Variants in LINGO2 observed in about 807,000 individuals in gnomAD.
LINGO2 encodes leucine-rich repeat and immunoglobulin-like domain-containing nogo receptor-interacting protein 2.
Under a neutral mutation model 30.6 loss-of-function variants are expected in LINGO2, and 14 were observed. That is an observed-to-expected ratio of 0.46 (90% CI 0.30 to 0.72). The LOEUF is 0.72. Among genes scored for constraint, LINGO2 ranks in the 30% least tolerant of loss-of-function variants. LINGO2 has a pLI of 0.07. For synonymous variants in LINGO2, 317 were observed against 288.5 expected (o/e 1.10, Z -1.00); for missense variants, 729 against 751.7 (o/e 0.97, Z 0.35).
the LINGO2 span, among the ~76,000 whole-genome samples, chr9:28,953,039 C>T: frequency 6.6e-6 from 1 of 152,050 alleles, no homozygotes; most frequent in African/African-American, 2.4e-5. Context: ...ATTACATTCC[C>T]AGCATCAACA....
At chr9:28,028,758 T>C (rs1039893296) in intron 4 of LINGO2, among the ~76,000 whole-genome samples, 1 of 152,162 alleles carries the variant, frequency 6.6e-6, no homozygotes, top group African/African-American at 2.4e-5. Context: ...TTTTTTTCTT[T>C]TTGAATATTT....
the LINGO2 span, among the ~76,000 whole-genome samples, chr9:28,880,712 T>A: frequency 7.5e-3 from 1,141 of 152,198 alleles, 15 homozygotes; most frequent in African/African-American, 0.026. Context: ...AAGGCCACTG[T>A]CTCCTGCCTG....
At chr9:28,884,810 G>C in the LINGO2 span, among the ~76,000 whole-genome samples, 1 of 139,070 alleles carries the variant, frequency 7.2e-6, no homozygotes, top group Non-Finnish European at 1.5e-5. Flanking sequence ...TTCTTTAGCA[G>C]TATATATATA....
At chr9:27,971,977 C>A (rs1344442467) in intron 5 of LINGO2, among the ~76,000 whole-genome samples, 1 of 152,066 alleles carries the variant, frequency 6.6e-6, no homozygotes, top group South Asian at 2.1e-4. Context: ...CTTTACTATC[C>A]TTATAAGATT....
intron 1 of LINGO2, among the ~76,000 whole-genome samples, chr9:28,529,972 G>A (rs186026412): frequency 6.6e-6 from 1 of 152,018 alleles, no homozygotes; most frequent in East Asian, 1.9e-4. Context: ...TAACATAAGG[G>A]GATAAAACTT....
chr9:28,203,602 A>T (rs1244497458), intron 4 of LINGO2, among the ~76,000 whole-genome samples: 1 of 152,200 alleles, frequency 6.6e-6, no homozygotes, highest in African/African-American at 2.4e-5. Flanking sequence ...AAAGAATGTG[A>T]TAAACTCATA....
At chr9:28,089,849 C>G (rs997526499) in intron 4 of LINGO2, among the ~76,000 whole-genome samples, 1 of 152,062 alleles carries the variant, frequency 6.6e-6, no homozygotes, top group Non-Finnish European at 1.5e-5. Flanking sequence ...AGAGAAGAAT[C>G]AAATAGATGC....
chr9:28,625,615 A>C (rs1181150898), intron 1 of LINGO2, among the ~76,000 whole-genome samples: 2 of 152,184 alleles, frequency 1.3e-5, no homozygotes, highest in East Asian at 3.8e-4. Flanking sequence ...TTTATATAAA[A>C]AAGTAATATT....
chr9:28,995,825 A>G, the LINGO2 span, among the ~76,000 whole-genome samples: 1 of 151,986 alleles, frequency 6.6e-6, no homozygotes, highest in South Asian at 2.1e-4. Flanking sequence ...AACAATGAGA[A>G]CATATGGACA....
chr9:28,602,084 C>CA (rs1159207808), intron 1 of LINGO2, among the ~76,000 whole-genome samples: 1 of 151,980 alleles, frequency 6.6e-6, no homozygotes, highest in Non-Finnish European at 1.5e-5. Flanking sequence ...GGAGGCACAA[C>CA]AAGGAGGCTA....
At chr9:28,089,114 T>C (rs1415439039) in intron 4 of LINGO2, among the ~76,000 whole-genome samples, 2 of 152,094 alleles carry the variant, frequency 1.3e-5, no homozygotes, top group Non-Finnish European at 2.9e-5. Context: ...ACAATAATAA[T>C]GGGAGACTTT....
the LINGO2 span, among the ~76,000 whole-genome samples, chr9:28,727,631 G>A: frequency 4.6e-5 from 7 of 152,160 alleles, no homozygotes; most frequent in Admixed American, 2.6e-4. Flanking sequence ...TCTTTCATCC[G>A]TCTTTAGATA....
chr9:29,201,376 G>A, the LINGO2 span, among the ~76,000 whole-genome samples: 3 of 151,846 alleles, frequency 2.0e-5, no homozygotes, highest in Non-Finnish European at 4.4e-5. Flanking sequence ...ACTTTAAACT[G>A]GCTCTAATTT....
chr9:28,994,260 C>G, the LINGO2 span, among the ~76,000 whole-genome samples: 1 of 152,236 alleles, frequency 6.6e-6, no homozygotes, highest in South Asian at 2.1e-4. Context: ...AGTGAACTCC[C>G]ATTCACAATT....
At chr9:28,825,082 A>G in the LINGO2 span, among the ~76,000 whole-genome samples, 5 of 152,244 alleles carry the variant, frequency 3.3e-5, no homozygotes, top group Admixed American at 1.3e-4. Context: ...CAAAAGTGTA[A>G]GTCTTATTTG....
intron 2 of LINGO2, among the ~76,000 whole-genome samples, chr9:28,464,528 G>T (rs1825219690): frequency 6.6e-6 from 1 of 152,156 alleles, no homozygotes; most frequent in Admixed American, 6.5e-5. Context: ...AACTAAAAAT[G>T]TTCCTGCTTT....
At chr9:28,053,747 T>TA (rs1473095989) in intron 4 of LINGO2, among the ~76,000 whole-genome samples, 11 of 152,082 alleles carry the variant, frequency 7.2e-5, no homozygotes, top group African/African-American at 2.4e-4. Flanking sequence ...GGTATGTTGG[T>TA]AATTTTTAAA....
intron 4 of LINGO2, among the ~76,000 whole-genome samples, chr9:28,276,303 A>G (rs780200930): frequency 1.3e-5 from 2 of 152,152 alleles, no homozygotes; most frequent in Non-Finnish European, 2.9e-5. Context: ...TGCCTCCCAT[A>G]TGGACCACAC....
chr9:28,731,989 C>T, the LINGO2 span, among the ~76,000 whole-genome samples: 2 of 151,892 alleles, frequency 1.3e-5, no homozygotes, highest in African/African-American at 4.8e-5. Flanking sequence ...GTAGTATAAC[C>T]ATGATTCTAA....
Sources: gnomAD v4.1 joint callset for allele counts (sites outside exome capture counted in the v4.1 genomes callset) on GRCh38, gnomAD v4.1.1 for gene constraint, MANE v1.5 for transcripts, NCBI Gene and HGNC (gene_info 2026-07-23, HGNC 2026-07-21) for gene names.